The following EEPD1 variants were observed in gnomAD, a reference collection of about 807,000 sequenced individuals.
EEPD1 encodes the protein endonuclease/exonuclease/phosphatase family domain containing 1.
EEPD1 carries 17 observed loss-of-function variants against 46.3 expected under a neutral mutation model. The ratio of observed to expected loss-of-function variants is 0.37; its 90% confidence interval spans 0.25 to 0.55. EEPD1 has a LOEUF of 0.55. EEPD1 is among the 20% of genes least tolerant of loss of function. The pLI is 0.83. For missense variants in EEPD1, 673 were observed against 745.6 expected (o/e 0.90, Z 1.13); for synonymous variants, 313 against 315.6 (o/e 0.99, Z 0.09).
chr7:36,253,514 A>G (rs571190954), intron 3 of EEPD1, among the ~76,000 whole-genome samples: 3 of 152,226 alleles, frequency 2.0e-5, no homozygotes, highest in East Asian at 1.9e-4. Flanking sequence ...TTGATCTTCT[A>G]TCTGGTTGTT....
chr7:36,168,598 C>T (rs866105054), intron 2 of EEPD1, among the ~76,000 whole-genome samples: 15 of 152,190 alleles, frequency 9.9e-5, no homozygotes, highest in African/African-American at 3.4e-4. Context: ...ACTAAAAATA[C>T]AAAAACAAAA....
At chr7:36,261,915 C>G (rs1025199041) in intron 3 of EEPD1, among the ~76,000 whole-genome samples, 2 of 152,170 alleles carry the variant, frequency 1.3e-5, no homozygotes, top group Non-Finnish European at 2.9e-5. Context: ...TATTAACCTT[C>G]AGGAGGCATT....
intron 3 of EEPD1, among the ~76,000 whole-genome samples, chr7:36,244,882 C>T (rs1334213880): frequency 1.3e-5 from 2 of 150,536 alleles, no homozygotes; most frequent in Non-Finnish European, 2.9e-5. Context: ...GAGCAATTCT[C>T]CTGCCTCAGC....
Position 36,299,122 on chromosome 7 carries a change from G to T in EEPD1, c.1626G>T (p.Lys542Asn), listed in dbSNP as rs61730413. Reference protein sequence around the residue: ...CPVLAEFYTEKDWSKKDAPRN... With the variant: ...CPVLAEFYTENDWSKKDAPRN... ...TGCTAGCCGAGTTCTACACTGAAAAGGACTGGAGCAAGAAGGATGCCCCTC... is the reference window on the plus strand; with the variant it reads ...TGCTAGCCGAGTTCTACACTGAAAATGACTGGAGCAAGAAGGATGCCCCTC... The change falls in exon 8 of 8, where the codon AAG (lysine) becomes AAT (asparagine). Residue 542 changes from lysine (K) to asparagine (N), a missense_variant. By Grantham distance (94) the Lys-to-Asn change is moderately conservative. Coordinates refer to ENST00000242108, the MANE Select transcript of EEPD1 (RefSeq NM_030636.3). 6.2e-7 allele frequency: 1 copy of T among 1,611,528 alleles called. No homozygotes were observed. The highest frequency in any genetic ancestry group is 8.5e-7 in the Non-Finnish European group (1 of 1,177,872).
At chr7:36,261,396 A>G (rs571194848) in intron 3 of EEPD1, among the ~76,000 whole-genome samples, 1 of 152,182 alleles carries the variant, frequency 6.6e-6, no homozygotes, top group South Asian at 2.1e-4. Flanking sequence ...ACTCTGTTTT[A>G]CTTTTTAGCA....
chr7:36,172,187 A>G (rs377553874), intron 2 of EEPD1, among the ~76,000 whole-genome samples: 1 of 152,104 alleles, frequency 6.6e-6, no homozygotes, highest in East Asian at 1.9e-4. Context: ...GTCTTTTGTT[A>G]TAATGTTGGG....
At chr7:36,275,332 C>T (rs1787166089) in intron 3 of EEPD1, among the ~76,000 whole-genome samples, 1 of 152,184 alleles carries the variant, frequency 6.6e-6, no homozygotes, top group Admixed American at 6.5e-5. Context: ...CTCACAGAGT[C>T]CCAGGTTGCA....
At chr7:36,241,856 G>A (rs2115789684) in intron 3 of EEPD1, among the ~76,000 whole-genome samples, 1 of 152,282 alleles carries the variant, frequency 6.6e-6, no homozygotes, top group Non-Finnish European at 1.5e-5. Flanking sequence ...CGAGAGAGTA[G>A]GACCCTGTCC....
At chr7:36,254,424 C>T (rs961014113) in intron 3 of EEPD1, among the ~76,000 whole-genome samples, 7 of 152,108 alleles carry the variant, frequency 4.6e-5, no homozygotes, top group Admixed American at 6.5e-5. Context: ...TGATGGTTTC[C>T]AGCTTCATCC....
intron 3 of EEPD1, among the ~76,000 whole-genome samples, chr7:36,265,090 G>C (rs771326746): frequency 2.0e-5 from 3 of 152,196 alleles, no homozygotes; most frequent in Non-Finnish European, 4.4e-5. Flanking sequence ...CCGCAGAGCA[G>C]AGCCGGCTGC....
chr7:36,193,763 G>T lies in EEPD1; in HGVS notation c.878+38561G>T, dbSNP rs1254060643. Among the ~76,000 whole-genome samples, 2 of 152,202 alleles carry T rather than the reference G, an allele frequency of 1.3e-5. No homozygotes were observed. The highest frequency in any genetic ancestry group is 2.9e-5 in the Non-Finnish European group (2 of 68,038). On this transcript the variant is annotated intron_variant, in intron 2 of 7. Transcript: ENST00000242108. The surrounding 1 kb of genome is among the most constrained non-coding windows in gnomAD (Gnocchi z 4.9). Reference sequence around the variant, plus strand: ...GAAACCCAGGCCGTCAGGTCCCGTGGTCAGCAGGTGGCCAGCGGCAGAGCG... The same window carrying T: ...GAAACCCAGGCCGTCAGGTCCCGTGTTCAGCAGGTGGCCAGCGGCAGAGCG...
chr7:36,172,306 C>G (rs1290556195), intron 2 of EEPD1, among the ~76,000 whole-genome samples: 1 of 152,192 alleles, frequency 6.6e-6, no homozygotes, highest in East Asian at 1.9e-4. Flanking sequence ...TTTCCTAAGA[C>G]CCTCCCCTGA....
At chr7:36,174,010 T>C (rs1785134689) in intron 2 of EEPD1, among the ~76,000 whole-genome samples, 1 of 152,118 alleles carries the variant, frequency 6.6e-6, no homozygotes, top group African/African-American at 2.4e-5. Flanking sequence ...TATGAAGAGC[T>C]CAGTCTGGCT....
chr7:36,298,882 G>A, intron 7 of EEPD1, 125 bp from the exon 8 acceptor site: 1 of 1,074,282 alleles, frequency 9.3e-7, no homozygotes, highest in Non-Finnish European at 1.4e-6. Context: ...CCAGCTACCT[G>A]AGGCAGCCTC....
At chr7:36,186,872 A>T (rs986968913) in intron 2 of EEPD1, among the ~76,000 whole-genome samples, 1 of 152,194 alleles carries the variant, frequency 6.6e-6, no homozygotes, top group Non-Finnish European at 1.5e-5. Flanking sequence ...TTGCCACAAC[A>T]TGTGTTTCTG....
In EEPD1 at chr7:36,264,449, A is replaced by G. The variant is rs532003884; in HGVS notation, c.931-16666A>G. On this transcript the variant is annotated intron_variant, in intron 3 of 7. Coordinates refer to ENST00000242108, the MANE Select transcript of EEPD1 (RefSeq NM_030636.3). ...CCCGCACAGAGCCATCACATGGACC[A>G]CATCGTGGCGTGTGTGTAAAGGGCC... is the stretch of plus-strand genomic sequence containing the variant. Among the ~76,000 whole-genome samples the G allele has an allele frequency of 1.3e-4, 20 of 152,356 alleles. No homozygotes were observed. The East Asian group carries it at 3.9e-3, about 29-fold the overall frequency.
At chr7:36,183,106 C>G (rs1222149182) in intron 2 of EEPD1, among the ~76,000 whole-genome samples, 1 of 152,194 alleles carries the variant, frequency 6.6e-6, no homozygotes, top group Non-Finnish European at 1.5e-5. Flanking sequence ...AAGCCCGGCT[C>G]CTGAGGCAGC....
chr7:36,155,417 T>G (rs1316265390), intron 2 of EEPD1, among the ~76,000 whole-genome samples: 1 of 152,186 alleles, frequency 6.6e-6, no homozygotes, highest in Admixed American at 6.5e-5. Context: ...ACCCATGTCT[T>G]GAGTGTGAGA....
At chr7:36,276,877 T>C (rs540321718) in intron 3 of EEPD1, among the ~76,000 whole-genome samples, 6 of 152,074 alleles carry the variant, frequency 3.9e-5, no homozygotes, top group Admixed American at 2.6e-4. Context: ...CCCGAGAGGG[T>C]GGGGTGGCAG....
Sources: gnomAD v4.1 joint callset for allele counts (sites outside exome capture counted in the v4.1 genomes callset) on GRCh38, gnomAD v4.1.1 for gene constraint, Gnocchi (gnomAD v3.1) non-coding constraint, MANE v1.5 for transcripts, NCBI Gene and HGNC (gene_info 2026-07-23, HGNC 2026-07-21) for gene names.